Variants in WWOX observed in about 807,000 individuals in gnomAD.
The protein encoded by WWOX is WW domain-containing oxidoreductase.
A neutral mutation model predicts 46.2 loss-of-function variants in WWOX; 69 were observed. The observed-to-expected ratio is 1.49, with a 90% CI of 1.23 to 1.82. The LOEUF (loss-of-function observed/expected upper bound fraction) is 1.82. Among genes scored for constraint, WWOX ranks in the 40% most tolerant of loss-of-function variants. The pLI, the probability that WWOX is intolerant of heterozygous loss-of-function variation, is 0.00. For synonymous variants in WWOX, 359 were observed against 202.6 expected, an observed-to-expected ratio of 1.77 and a Z score of -6.56; for missense variants, 919 against 542.6, an observed-to-expected ratio of 1.69 and a Z score of -6.89.
At chr16:79,088,305 T>A (rs553011557) in intron 8 of WWOX, among the ~76,000 whole-genome samples, 2 of 152,268 alleles carry the variant, frequency 1.3e-5, no homozygotes, top group South Asian at 4.1e-4. Context: ...TGCAGCCCGT[T>A]GGTTGTTTTC....
intron 8 of WWOX, among the ~76,000 whole-genome samples, chr16:78,443,035 C>G (rs1459977017): frequency 6.7e-6 from 1 of 149,098 alleles, no homozygotes; most frequent in South Asian, 2.1e-4. Flanking sequence ...ACTCAGGAGG[C>G]TAAGGCAGGA....
Position 78,413,867 on chromosome 16 carries a change from A to G in WWOX, c.606-11003A>G, listed in dbSNP as rs527874092. Among the ~76,000 whole-genome samples the G allele has an allele frequency of 5.1e-4, 78 of 151,838 alleles. No individual in the cohort carries two copies. The South Asian group carries it at 9.6e-3, about 19-fold the overall frequency. ...GCTGGTGCAATGGCTTACCCCTGTA[A>G]TCCCAGTACTTTGGGAGGCTGAGGT... On this transcript the variant is annotated intron_variant, in intron 6 of 8. Coordinates refer to ENST00000566780, the MANE Select transcript of WWOX (RefSeq NM_016373.4).
chr16:78,992,006 G>T (rs1206861421), intron 8 of WWOX, among the ~76,000 whole-genome samples: 1 of 152,180 alleles, frequency 6.6e-6, no homozygotes, highest in Non-Finnish European at 1.5e-5. Context: ...AAACTCACCT[G>T]AAGGATCTTC....
At chr16:78,931,841 C>T (rs372676230) in intron 8 of WWOX, among the ~76,000 whole-genome samples, 4 of 152,292 alleles carry the variant, frequency 2.6e-5, no homozygotes, top group African/African-American at 4.8e-5. Context: ...AATCCCCACG[C>T]CACATGGGAG....
chr16:79,036,638 T>C lies in WWOX; in HGVS notation c.1057-174970T>C, dbSNP rs185938074. ...CTTACCAACTCCATTCAATTCACAG[T>C]GGCTCTCTGAAGCTCTGTTTTTGGA... On this transcript the variant is annotated intron_variant, in intron 8 of 8. Coordinates refer to ENST00000566780, the MANE Select transcript of WWOX (RefSeq NM_016373.4). Among the ~76,000 whole-genome samples, 804 of 152,280 alleles carry C rather than the reference T, an allele frequency of 5.3e-3. 9 individuals carry two copies. The highest frequency in any genetic ancestry group is 0.019 in the African/African-American group (784 of 41,554).
At chr16:78,542,500 A>G (rs140548208) in intron 8 of WWOX, among the ~76,000 whole-genome samples, 5 of 152,284 alleles carry the variant, frequency 3.3e-5, no homozygotes, top group African/African-American at 9.6e-5. Context: ...GCTGAGAGCA[A>G]ACCACATTGC....
At chr16:78,332,570 C>G (rs1247183722) in intron 5 of WWOX, among the ~76,000 whole-genome samples, 4 of 152,178 alleles carry the variant, frequency 2.6e-5, no homozygotes, top group Non-Finnish European at 5.9e-5. Context: ...TTTGTCCACC[C>G]CAAGTATTTA....
At chr16:78,125,154 C>T (rs760523306) in intron 4 of WWOX, among the ~76,000 whole-genome samples, 14 of 152,204 alleles carry the variant, frequency 9.2e-5, no homozygotes, top group Non-Finnish European at 1.9e-4. Flanking sequence ...CATTGATAGC[C>T]GTTTAAAATT....
At chr16:78,889,317 C>G (rs935992373) in intron 8 of WWOX, among the ~76,000 whole-genome samples, 3 of 151,756 alleles carry the variant, frequency 2.0e-5, no homozygotes, top group African/African-American at 7.3e-5. Flanking sequence ...TGCTTTCTAT[C>G]TGGCTTTTTA....
intron 8 of WWOX, among the ~76,000 whole-genome samples, chr16:78,868,434 C>G (rs1427259062): frequency 6.6e-6 from 1 of 151,772 alleles, no homozygotes; most frequent in Non-Finnish European, 1.5e-5. Flanking sequence ...AGAAAATGTT[C>G]TAGGACAAGA....
chr16:79,142,070 C>G (rs1329861810), intron 8 of WWOX, among the ~76,000 whole-genome samples: 1 of 152,166 alleles, frequency 6.6e-6, no homozygotes, highest in Non-Finnish European at 1.5e-5. Context: ...TCTTTTTCTC[C>G]TTCTTCTCCA....
At chr16:78,202,958 A>G (rs2036279925) in intron 5 of WWOX, among the ~76,000 whole-genome samples, 2 of 152,348 alleles carry the variant, frequency 1.3e-5, no homozygotes, top group East Asian at 3.9e-4. Context: ...AAATAAAAAC[A>G]TGTTTCAGTA....
chr16:78,745,800 G>C (rs1334559120), intron 8 of WWOX, among the ~76,000 whole-genome samples: 2 of 150,616 alleles, frequency 1.3e-5, no homozygotes, highest in Non-Finnish European at 2.9e-5. Flanking sequence ...GACCAGAGTT[G>C]AGGGTGGGTG....
intron 8 of WWOX, among the ~76,000 whole-genome samples, chr16:79,055,030 A>G (rs930173232): frequency 6.6e-6 from 1 of 152,224 alleles, no homozygotes; most frequent in Non-Finnish European, 1.5e-5. Flanking sequence ...TGGCTTTCCC[A>G]TGGAGTTTAT....
chr16:78,651,284 G>A (rs1244996853), intron 8 of WWOX, among the ~76,000 whole-genome samples: 3 of 152,250 alleles, frequency 2.0e-5, no homozygotes, highest in Admixed American at 2.0e-4. Context: ...GAGTGAGTGC[G>A]AGCGAGAGAG....
intron 5 of WWOX, among the ~76,000 whole-genome samples, chr16:78,241,780 T>C (rs2037658388): frequency 6.6e-6 from 1 of 152,146 alleles, no homozygotes; most frequent in Non-Finnish European, 1.5e-5. Flanking sequence ...TATGACATCA[T>C]TGCTCAGATT....
intron 6 of WWOX, among the ~76,000 whole-genome samples, chr16:78,422,844 TAC>T (rs370327902): frequency 0.52 from 54,511 of 104,640 alleles, 15,476 homozygotes; most frequent in Admixed American, 0.62. Context: ...TATATACATA[TAC>T]ACACACACAC....
chr16:79,006,232 G>C (rs1597265775), intron 8 of WWOX, among the ~76,000 whole-genome samples: 1 of 152,152 alleles, frequency 6.6e-6, no homozygotes, highest in African/African-American at 2.4e-5. Context: ...AAGGATAAGT[G>C]GCATTTGATG....
chr16:78,868,442 A>G (rs57137301), intron 8 of WWOX, among the ~76,000 whole-genome samples: 2 of 150,818 alleles, frequency 1.3e-5, no homozygotes, highest in South Asian at 2.1e-4. Flanking sequence ...TTCTAGGACA[A>G]GACTGTGGTG....
Sources: allele counts gnomAD v4.1 joint callset (sites outside exome capture counted in the v4.1 genomes callset), GRCh38; gene constraint gnomAD v4.1.1; transcripts MANE v1.5; gene names NCBI Gene and HGNC (gene_info 2026-07-23, HGNC 2026-07-21).